The following MAST1 variants were observed in gnomAD, a reference collection of about 807,000 sequenced individuals.
MAST1 encodes the protein microtubule associated serine/threonine kinase 1, also known as microtubule-associated serine/threonine-protein kinase 1.
A neutral mutation model predicts 124.6 loss-of-function variants in MAST1; 40 were observed. The observed-to-expected ratio is 0.32, with a 90% confidence interval of 0.25 to 0.42. MAST1 has a LOEUF of 0.42. Ranked by LOEUF, MAST1 falls within the 10% of genes least tolerant of loss-of-function variation. The pLI, the probability that MAST1 is intolerant of heterozygous loss-of-function variation, is 1.00. For missense variants in MAST1, 1,558 were observed against 2,181.9 expected (o/e 0.71, Z 5.70); for synonymous variants, 938 against 939.4 (o/e 1.00, Z 0.03).
At chr19:12,846,427 T>C (rs1969894926) in intron 4 of MAST1, among the ~76,000 whole-genome samples, 1 of 151,538 alleles carries the variant, frequency 6.6e-6, no homozygotes. Context: ...GAATAATGGG[T>C]GTGTATTCAG....
chr19:12,868,155 A>T (rs890720320), intron 20 of MAST1, among the ~76,000 whole-genome samples, 178 bp downstream of exon 20: 2 of 123,402 alleles, frequency 1.6e-5, no homozygotes, highest in Admixed American at 2.0e-4. Flanking sequence ...ATCACCCAGG[A>T]TGGAGTGCAG....
At chr19:12,852,457 C>A in intron 10 of MAST1, 62 bp downstream of exon 10, 1 of 1,460,054 alleles carries the variant, frequency 6.8e-7, no homozygotes, top group Non-Finnish European at 9.6e-7. Flanking sequence ...TGGGGCTCAT[C>A]TCCGGCTTCT....
intron 12 of MAST1, among the ~76,000 whole-genome samples, chr19:12,859,852 G>GT (rs1204488640): frequency 2.1e-5 from 3 of 142,482 alleles, no homozygotes; most frequent in Non-Finnish European, 4.6e-5. Flanking sequence ...AAAGTTTTTT[G>GT]TTTTTTGTTT....
intron 10 of MAST1, among the ~76,000 whole-genome samples, chr19:12,857,303 G>A (rs567757772): frequency 6.0e-4 from 92 of 152,102 alleles, no homozygotes; most frequent in African/African-American, 2.0e-3. Context: ...GGCTTGTCTC[G>A]AGCTCCTGAC....
At chr19:12,854,522 T>C (rs1410241344) in intron 10 of MAST1, among the ~76,000 whole-genome samples, 2 of 152,250 alleles carry the variant, frequency 1.3e-5, no homozygotes, top group Admixed American at 6.5e-5. Flanking sequence ...ATCCATGTTG[T>C]AGCTTGTGTC....
At chr19:12,863,277 G>C (rs1056918951) in intron 12 of MAST1, among the ~76,000 whole-genome samples, 3 of 151,960 alleles carry the variant, frequency 2.0e-5, no homozygotes, top group Admixed American at 1.3e-4. Flanking sequence ...CTCTAGTCCA[G>C]GTTCATTGCA....
rs541254475 is a variant in MAST1 at position 12,871,416 on chromosome 19, G to A, written c.3263+244G>A. Among the ~76,000 whole-genome samples the A allele has an allele frequency of 3.3e-5, 5 of 152,262 alleles. No individual in the cohort carries two copies. In the East Asian group the frequency reaches 9.7e-4, roughly 29 times the overall value. On this transcript the variant is annotated intron_variant, in intron 24 of 25. Coordinates refer to ENST00000251472, the MANE Select transcript of MAST1 (RefSeq NM_014975.3). Reference sequence around the variant, plus strand: ...GAGGTCAGGAGTTTGAGACCAGCCTGGCCAATATGGTGAAACCCCATCTCT... The same window carrying A: ...GAGGTCAGGAGTTTGAGACCAGCCTAGCCAATATGGTGAAACCCCATCTCT...
At chr19:12,861,686 CTT>C (rs752465351) in intron 12 of MAST1, among the ~76,000 whole-genome samples, 3 of 66,116 alleles carry the variant, frequency 4.5e-5, no homozygotes, top group African/African-American at 1.5e-4. Flanking sequence ...TTCTCTCTTT[CTT>C]TCTTTCTTTC....
intron 24 of MAST1, 163 bp from the exon 25 acceptor site, chr19:12,873,161 A>G (rs1238613081): frequency 1.5e-6 from 1 of 654,336 alleles, no homozygotes; most frequent in African/African-American, 1.8e-5. Flanking sequence ...GGAGCCAAGC[A>G]GCACTGAGCT....
intron 10 of MAST1, among the ~76,000 whole-genome samples, chr19:12,857,146 C>T (rs908303393): frequency 9.2e-5 from 14 of 151,966 alleles, no homozygotes; most frequent in East Asian, 3.9e-4. Flanking sequence ...TGCAATGCCA[C>T]GATCTCGGCT....
At chr19:12,863,590 A>G (rs1032518208) in intron 12 of MAST1, among the ~76,000 whole-genome samples, 7 of 152,176 alleles carry the variant, frequency 4.6e-5, no homozygotes, top group African/African-American at 1.2e-4. Flanking sequence ...ACAAGCCCTC[A>G]TGTAGCAAGG....
Position 12,852,263 on chromosome 19 carries a change from C to G in MAST1, c.1009+16C>G. ...CCCTTTCCAGGTGCCGGCTGGTGGG[C>G]GCAGGGGGACTGGGGGTGAGCAGGC... On this transcript the variant is annotated intron_variant, in intron 9 of 25. Coordinates refer to ENST00000251472, the MANE Select transcript of MAST1 (RefSeq NM_014975.3). The G allele has an allele frequency of 6.2e-7, 1 of 1,613,928 alleles. No homozygotes were observed. Among genetic ancestry groups the G allele is most frequent in the Middle Eastern group, 1.6e-4 (1 of 6,062 alleles).
In MAST1 at chr19:12,867,838, C is replaced by A. The variant is rs550942410; in HGVS notation, c.2427C>A (p.Ala809=). 2.5e-6 allele frequency: 4 copies of A among 1,602,332 alleles called. No homozygotes were observed. In the African/African-American group the frequency reaches 4.0e-5, roughly 16 times the overall value. The stretch of plus-strand genomic sequence containing the variant: ...TGCTGGAGCCCAGCCGCTTCAGCGC[C>A]CCCCAAGAGGACGAGGATGAGGCCC... The part of the protein sequence containing the change: ...SALLEPSRFS[A]PQEDEDEARL... Residue 809 remains alanine (A), a synonymous_variant, in exon 20 of 26, where the codon GCC becomes GCA. Transcript: ENST00000251472.
At position 12,873,914 on chromosome 19, in the gene MAST1, G is replaced by A. The variant is rs775859927; in HGVS notation, c.3757G>A (p.Ala1253Thr). The change falls in exon 26 of 26, where the codon GCC (alanine) becomes ACC (threonine). Residue 1253 changes from alanine (A) to threonine (T), a missense_variant. Transcript: ENST00000251472. ...CGTCGTGCGCCCGCGCCCCAAGAGT[G>A]CCGAGCCCCCTCGCTCGCCGCTCCT... ...PPVVRPRPKS[A>T]EPPRSPLLKR... is the part of the protein sequence containing the mutation. 6.3e-7 allele frequency: 1 copy of A among 1,584,622 alleles called. No homozygotes were observed. Among genetic ancestry groups the A allele is most frequent in the Admixed American group, 1.8e-5 (1 of 56,714 alleles).
In MAST1 at chr19:12,866,599, G is replaced by A. The variant is rs1970157386; in HGVS notation, c.2030-54G>A. The A allele has an allele frequency of 1.7e-6, 2 of 1,191,882 alleles. No individual in the cohort carries two copies. Among genetic ancestry groups the A allele is most frequent in the Non-Finnish European group, 2.5e-6 (2 of 810,956 alleles). 73.8% of individuals were successfully genotyped at this position (1,191,882 alleles called of 1,614,324 possible). On this transcript the variant is annotated intron_variant, in intron 17 of 25. Coordinates refer to ENST00000251472, the MANE Select transcript of MAST1 (RefSeq NM_014975.3). This position sits in a 1 kb window ranked among gnomAD's most constrained non-coding sequence, Gnocchi z 5.2. ...ACCAGGACTGGGCTCCTGTGGGGAT[G>A]TGATATGAGGAGGAACCCCGTACCC... is the stretch of plus-strand genomic sequence containing the variant.
intron 10 of MAST1, 30 bp downstream of exon 10, chr19:12,852,425 C>G (rs961732357): frequency 2.5e-6 from 4 of 1,608,050 alleles, no homozygotes; most frequent in Non-Finnish European, 8.5e-7. Flanking sequence ...CGGTCAGTAC[C>G]CTGGTTCCTG....
chr19:12,852,092 A>C, intron 8 of MAST1, 23 bp from the exon 9 acceptor site: 1 of 1,613,512 alleles, frequency 6.2e-7, no homozygotes, highest in Non-Finnish European at 8.5e-7. Context: ...GCCTGTGGTG[A>C]GCCCACTCCT....
rs1381318475 is a variant in MAST1 at position 12,864,962 on chromosome 19, T to C, written c.1505+15T>C. The C allele has an allele frequency of 6.2e-7, 1 of 1,614,058 alleles. No homozygotes were observed. Among genetic ancestry groups the C allele is most frequent in the Admixed American group, 1.7e-5 (1 of 60,018 alleles). On this transcript the variant is annotated intron_variant, in intron 13 of 25. Coordinates refer to ENST00000251472, the MANE Select transcript of MAST1 (RefSeq NM_014975.3). ...AAGCCTGACAAGTGAGCTTTGATCT[T>C]TCCCATCACTCCCTCTGTCCCTCGG...
chr19:12,874,066 G>T lies in MAST1; in HGVS notation c.3909G>T (p.Ala1303=), dbSNP rs1314907155. ...GCAAGGACTTCCATGGCGAGCTGGCGCTGCATAGCCTTGCCGAGTCCGACG... is the reference window on the plus strand; with the variant it reads ...GCAAGGACTTCCATGGCGAGCTGGCTCTGCATAGCCTTGCCGAGTCCGACG... The part of the protein sequence containing the change: ...DFRKDFHGEL[A]LHSLAESDGE... The change falls in exon 26 of 26, where the codon GCG becomes GCT. Residue 1303 remains alanine (A), a synonymous_variant. Coordinates refer to ENST00000251472, the MANE Select transcript of MAST1 (RefSeq NM_014975.3). The surrounding 1 kb of genome is among the most constrained non-coding windows in gnomAD (Gnocchi z 6.6). 6.3e-7 allele frequency: 1 copy of T among 1,594,450 alleles called. No homozygotes were observed. Among genetic ancestry groups the T allele is most frequent in the Non-Finnish European group, 8.5e-7 (1 of 1,173,872 alleles).
Sources: allele counts gnomAD v4.1 joint callset (sites outside exome capture counted in the v4.1 genomes callset), GRCh38; gene constraint gnomAD v4.1.1; non-coding constraint Gnocchi (gnomAD v3.1); transcripts MANE v1.5; gene names NCBI Gene and HGNC (gene_info 2026-07-23, HGNC 2026-07-21).